The following ACTR3C variants were observed in gnomAD, a reference collection of about 807,000 sequenced individuals.
The protein encoded by ACTR3C is actin related protein 3C.
Under a neutral mutation model 26.3 loss-of-function variants are expected in ACTR3C, and 18 were observed. The observed-to-expected ratio is 0.68, with a 90% CI of 0.47 to 1.01. The LOEUF (loss-of-function observed/expected upper bound fraction) is 1.01. Among genes scored for constraint, ACTR3C ranks in the 50% least tolerant of loss-of-function variants. ACTR3C has a pLI of 0.00. For synonymous variants in ACTR3C, 55 were observed against 94.5 expected, an observed-to-expected ratio of 0.58 and a Z score of 2.42; for missense variants, 184 against 250.7, an observed-to-expected ratio of 0.73 and a Z score of 1.80.
At chr7:150,034,681 C>G in the ACTR3C span, among the ~76,000 whole-genome samples, 1 of 151,794 alleles carries the variant, frequency 6.6e-6, no homozygotes, top group South Asian at 2.1e-4. Flanking sequence ...TACCTGCCGT[C>G]GGAAGATTTG....
chr7:149,993,956 A>G, the ACTR3C span, among the ~76,000 whole-genome samples: 1 of 152,340 alleles, frequency 6.6e-6, no homozygotes, highest in African/African-American at 2.4e-5. Context: ...GCCTGATTTT[A>G]GAGAACTATA....
chr7:149,930,307 C>T, the ACTR3C span, among the ~76,000 whole-genome samples: 1 of 152,216 alleles, frequency 6.6e-6, no homozygotes, highest in South Asian at 2.1e-4. Context: ...TCAGAAAGTA[C>T]GCATTCAAGT....
At chr7:150,060,696 C>G in the ACTR3C span, among the ~76,000 whole-genome samples, 1 of 152,270 alleles carries the variant, frequency 6.6e-6, no homozygotes, top group Non-Finnish European at 1.5e-5. Flanking sequence ...TGGGGGCGCC[C>G]TGGGAGCTCA....
At chr7:150,197,699 C>T in the ACTR3C span, among the ~76,000 whole-genome samples, 1 of 152,246 alleles carries the variant, frequency 6.6e-6, no homozygotes, top group African/African-American at 2.4e-5. Context: ...AGTGTCTCTA[C>T]TTGGTCCTAT....
the ACTR3C span, among the ~76,000 whole-genome samples, chr7:150,048,461 G>T: frequency 4.6e-3 from 696 of 152,228 alleles, 4 homozygotes; most frequent in African/African-American, 0.016. Context: ...GGAGGGGCGG[G>T]GACCACGCGG....
chr7:149,994,166 T>C, the ACTR3C span, among the ~76,000 whole-genome samples: 1 of 152,284 alleles, frequency 6.6e-6, no homozygotes, highest in East Asian at 1.9e-4. Flanking sequence ...ATCCTAAGGA[T>C]GATACTAAAA....
chr7:150,058,089 T>C, the ACTR3C span, among the ~76,000 whole-genome samples: 1 of 152,208 alleles, frequency 6.6e-6, no homozygotes, highest in African/African-American at 2.4e-5. Flanking sequence ...CTTCATTGTA[T>C]TGGTCATATC....
At chr7:150,221,432 T>A in the ACTR3C span, among the ~76,000 whole-genome samples, 1 of 152,176 alleles carries the variant, frequency 6.6e-6, no homozygotes, top group Non-Finnish European at 1.5e-5. Context: ...GAAGACTGCA[T>A]TGCAACATTC....
At chr7:149,903,732 C>T in the ACTR3C span, among the ~76,000 whole-genome samples, 2 of 150,690 alleles carry the variant, frequency 1.3e-5, no homozygotes, top group South Asian at 2.1e-4. Context: ...CTGGTAGAGA[C>T]AGGGTCTCAC....
At chr7:150,018,035 T>C in the ACTR3C span, among the ~76,000 whole-genome samples, 53 of 150,206 alleles carry the variant, frequency 3.5e-4, 2 homozygotes, top group Non-Finnish European at 4.4e-4. Context: ...GTTGGCAGTC[T>C]AAGGGCATCT....
chr7:150,290,398 G>C (rs564500003), intron 3 of ACTR3C, among the ~76,000 whole-genome samples: 2 of 152,340 alleles, frequency 1.3e-5, no homozygotes, highest in African/African-American at 4.8e-5. Context: ...AGGAGCCACA[G>C]GCTTGGACAC....
the ACTR3C span, among the ~76,000 whole-genome samples, chr7:150,190,497 T>C: frequency 1.3e-5 from 2 of 152,238 alleles, no homozygotes; most frequent in Non-Finnish European, 2.9e-5. Flanking sequence ...TTTTCATAGA[T>C]TAAATTTACA....
the ACTR3C span, among the ~76,000 whole-genome samples, chr7:149,899,713 A>G: frequency 6.6e-6 from 1 of 152,032 alleles, no homozygotes; most frequent in Non-Finnish European, 1.5e-5. Context: ...AGGCAGGACC[A>G]GAAGGTATGC....
the ACTR3C span, among the ~76,000 whole-genome samples, chr7:150,018,251 G>A: frequency 6.7e-6 from 1 of 149,590 alleles, no homozygotes; most frequent in Admixed American, 6.6e-5. Context: ...TCACCATGTT[G>A]GCCAGGATGG....
chr7:150,037,376 G>A, the ACTR3C span, among the ~76,000 whole-genome samples: 1 of 59,848 alleles, frequency 1.7e-5, no homozygotes, highest in Non-Finnish European at 4.3e-5. Flanking sequence ...CTCGCGGGGG[G>A]TGCCTCCCCC....
the ACTR3C span, among the ~76,000 whole-genome samples, chr7:150,097,560 C>A: frequency 6.6e-6 from 1 of 151,614 alleles, no homozygotes; most frequent in South Asian, 2.1e-4. Context: ...TGTAGCCTAA[C>A]CTTTTGGAAG....
At chr7:149,943,301 A>C in the ACTR3C span, among the ~76,000 whole-genome samples, 1 of 150,384 alleles carries the variant, frequency 6.6e-6, no homozygotes, top group Non-Finnish European at 1.5e-5. Flanking sequence ...GCTGCTGAGC[A>C]CTTACTGTGG....
chr7:149,980,590 C>CCATTCATT, the ACTR3C span, among the ~76,000 whole-genome samples: 2 of 152,168 alleles, frequency 1.3e-5, no homozygotes, highest in African/African-American at 2.4e-5. Flanking sequence ...CAGTAAATGT[C>CCATTCATT]CATTCATTCA....
the ACTR3C span, among the ~76,000 whole-genome samples, chr7:149,889,792 G>A: frequency 3.5e-4 from 53 of 152,244 alleles, no homozygotes; most frequent in South Asian, 0.011. Context: ...CAGAGTCCGA[G>A]GCTGCAGTGA....
Sources: gnomAD v4.1 joint callset for allele counts (sites outside exome capture counted in the v4.1 genomes callset) on GRCh38, gnomAD v4.1.1 for gene constraint, MANE v1.5 for transcripts, NCBI Gene and HGNC (gene_info 2026-07-23, HGNC 2026-07-21) for gene names.